MYO6: variants seen among roughly 807,000 people sequenced by gnomAD.
MYO6 encodes myosin VI.
In MYO6, 74 loss-of-function variants were observed where a neutral mutation model predicts 178.7. The ratio of observed to expected loss-of-function variants is 0.41; its 90% CI spans 0.34 to 0.50. The LOEUF is 0.50. MYO6 is among the 20% of genes least tolerant of loss of function. The pLI is 0.09. For missense variants in MYO6, 1,330 were observed against 1,547.4 expected (o/e 0.86, Z 2.36); for synonymous variants, 477 against 504.6 (o/e 0.95, Z 0.73).
chr6:75,857,062 T>C (rs779606468), intron 12 of MYO6, 35 bp from the exon 13 acceptor site: 1 of 1,609,240 alleles, frequency 6.2e-7, no homozygotes, highest in Non-Finnish European at 8.5e-7. Flanking sequence ...TGCACTATTA[T>C]AAAGAATTTT....
At chr6:75,911,350 A>G (rs1780743261) in intron 32 of MYO6, among the ~76,000 whole-genome samples, 1 of 152,038 alleles carries the variant, frequency 6.6e-6, no homozygotes, top group African/African-American at 2.4e-5. Context: ...GAAAGGTACT[A>G]TAATGTCTAT....
chr6:75,902,988 G>C (rs1246915165), intron 30 of MYO6, among the ~76,000 whole-genome samples: 1 of 151,726 alleles, frequency 6.6e-6, no homozygotes, highest in East Asian at 1.9e-4. Context: ...TATGTACCCA[G>C]TAGTCATTCA....
chr6:75,866,664 G>A (rs1228048990), intron 17 of MYO6, 43 bp downstream of exon 17: 1 of 1,477,352 alleles, frequency 6.8e-7, no homozygotes, highest in South Asian at 1.1e-5. Flanking sequence ...TCATGTTGAA[G>A]CTGCACTGTA....
intron 16 of MYO6, among the ~76,000 whole-genome samples, chr6:75,864,578 A>AC (rs1234768692): frequency 1.3e-5 from 2 of 152,124 alleles, no homozygotes; most frequent in African/African-American, 4.8e-5. Flanking sequence ...GATTACCTTT[A>AC]CCAGGAGTTG....
At chr6:75,812,797 G>A (rs1414579869) in intron 1 of MYO6, among the ~76,000 whole-genome samples, 1 of 152,026 alleles carries the variant, frequency 6.6e-6, no homozygotes, top group Non-Finnish European at 1.5e-5. Flanking sequence ...TTTCATGGCT[G>A]AATAATACTC....
chr6:75,752,740 T>G (rs953140223), intron 1 of MYO6, among the ~76,000 whole-genome samples: 1 of 152,216 alleles, frequency 6.6e-6, no homozygotes, highest in African/African-American at 2.4e-5. Flanking sequence ...GTTGACAGCC[T>G]TGAACACTGA....
chr6:75,761,468 G>GA (rs1777937614), intron 1 of MYO6, among the ~76,000 whole-genome samples: 1 of 151,768 alleles, frequency 6.6e-6, no homozygotes. Flanking sequence ...TTTTTGGAAG[G>GA]AAAGTGAGGA....
intron 2 of MYO6, among the ~76,000 whole-genome samples, chr6:75,821,139 G>T (rs1340139138): frequency 6.6e-6 from 1 of 152,114 alleles, no homozygotes; most frequent in African/African-American, 2.4e-5. Flanking sequence ...ACTCCTTACT[G>T]GCCTTTTAGC....
At chr6:75,832,506 T>C (rs182235369) in intron 5 of MYO6, among the ~76,000 whole-genome samples, 4 of 152,340 alleles carry the variant, frequency 2.6e-5, no homozygotes, top group Admixed American at 2.0e-4. Flanking sequence ...TCATTAGTTA[T>C]GCATAGTGAC....
In MYO6 at chr6:75,750,045, C is replaced by G. The variant is rs1324677755; in HGVS notation, c.-48+622C>G. Among the ~76,000 whole-genome samples the G allele has an allele frequency of 2.0e-5, 3 of 151,796 alleles. No homozygotes were observed. The East Asian group carries it at 5.8e-4, about 29-fold the overall frequency. On this transcript the variant is annotated intron_variant, in intron 1 of 34. Coordinates refer to ENST00000369977, the MANE Select transcript of MYO6 (RefSeq NM_004999.4). ...AGGACACAATTTGATGGGGTTATTG[C>G]TAGAACATCCGTGTTTAAAAGTATT... is the stretch of plus-strand genomic sequence containing the variant.
intron 30 of MYO6, among the ~76,000 whole-genome samples, chr6:75,904,212 T>C (rs1415924596): frequency 1.3e-5 from 2 of 149,364 alleles, no homozygotes; most frequent in East Asian, 1.9e-4. Flanking sequence ...TGTCTTGGAG[T>C]TGCTCTTCTC....
At chr6:75,794,098 A>G (rs1768531333) in intron 1 of MYO6, among the ~76,000 whole-genome samples, 1 of 152,218 alleles carries the variant, frequency 6.6e-6, no homozygotes, top group Non-Finnish European at 1.5e-5. Flanking sequence ...AGGGTTAGAA[A>G]GTCAAGTGGA....
At chr6:75,830,338 A>AT in intron 4 of MYO6, 78 bp from the exon 5 acceptor site, 1 of 1,406,606 alleles carries the variant, frequency 7.1e-7, no homozygotes, top group Non-Finnish European at 9.9e-7. Flanking sequence ...TTTGTATTTT[A>AT]TTTTTTCTAT....
chr6:75,827,361 C>G (rs1188016962), intron 3 of MYO6, among the ~76,000 whole-genome samples: 1 of 152,000 alleles, frequency 6.6e-6, no homozygotes. Context: ...ATGAATGATA[C>G]CTGCATCTAA....
Position 75,880,097 on chromosome 6 carries a change from A to G in MYO6, c.2263A>G (p.Lys755Glu). The G allele has an allele frequency of 6.2e-7, 1 of 1,611,124 alleles. No individual in the cohort carries two copies. The highest frequency in any genetic ancestry group is 1.1e-5 in the South Asian group (1 of 90,884). The change falls in exon 22 of 35, where the codon AAA becomes GAA. Residue 755 changes from lysine to glutamate, a missense_variant. Coordinates refer to ENST00000369977, the MANE Select transcript of MYO6 (RefSeq NM_004999.4). ...NENDYKFGLT[K>E]VFFRPGKFAE... ...AAATGACTACAAGTTTGGGTTAACC[A>G]AAGTATTTTTTAGACCTGGCAAGGT... is the stretch of plus-strand genomic sequence containing the variant.
intron 2 of MYO6, among the ~76,000 whole-genome samples, 169 bp downstream of exon 2, chr6:75,817,833 C>T (rs1771442087): frequency 6.6e-6 from 1 of 151,956 alleles, no homozygotes; most frequent in South Asian, 2.1e-4. Flanking sequence ...GGTATGTGCC[C>T]TAGGGAAAAA....
At chr6:75,765,789 G>A (rs572335268) in intron 1 of MYO6, among the ~76,000 whole-genome samples, 16 of 152,228 alleles carry the variant, frequency 1.1e-4, no homozygotes, top group Non-Finnish European at 2.2e-4. Context: ...CACTTTGGGA[G>A]GTTGAGGTGG....
chr6:75,843,862 A>T (rs1774473186), intron 9 of MYO6, among the ~76,000 whole-genome samples: 1 of 152,110 alleles, frequency 6.6e-6, no homozygotes, highest in Non-Finnish European at 1.5e-5. Context: ...TGTCTAAAAT[A>T]TTAATTTATC....
At chr6:75,832,435 A>G (rs147168056) in intron 5 of MYO6, among the ~76,000 whole-genome samples, 132 of 152,204 alleles carry the variant, frequency 8.7e-4, no homozygotes, top group Non-Finnish European at 1.4e-3. Flanking sequence ...TTCCAGCTGA[A>G]TTTTTGGTTG....
Sources: allele counts gnomAD v4.1 joint callset (sites outside exome capture counted in the v4.1 genomes callset), GRCh38; gene constraint gnomAD v4.1.1; transcripts MANE v1.5; gene names NCBI Gene and HGNC (gene_info 2026-07-23, HGNC 2026-07-21).